CDH12: variants seen among roughly 807,000 people sequenced by gnomAD.
CDH12 encodes the protein cadherin 12.
In CDH12, 41 loss-of-function variants were observed where a neutral mutation model predicts 74.1. The ratio of observed to expected loss-of-function variants is 0.55; its 90% CI spans 0.43 to 0.72. The LOEUF is 0.72. Ranked by LOEUF, CDH12 falls within the 30% of genes least tolerant of loss-of-function variation. The pLI, the probability that CDH12 is intolerant of heterozygous loss-of-function variation, is 0.00. For missense variants in CDH12, 945 were observed against 977.2 expected (o/e 0.97, Z 0.44); for synonymous variants, 399 against 355.0 (o/e 1.12, Z -1.39).
chr5:22,608,829 T>A (rs74611317), intron 1 of CDH12, among the ~76,000 whole-genome samples: 9,976 of 152,214 alleles, frequency 0.066, 432 homozygotes, highest in East Asian at 0.24. Flanking sequence ...AGAGGTGCCT[T>A]CCACCATGAT....
intron 4 of CDH12, among the ~76,000 whole-genome samples, chr5:22,133,661 T>C (rs538333798): frequency 1.3e-5 from 2 of 152,086 alleles, no homozygotes; most frequent in Non-Finnish European, 2.9e-5. Context: ...TATTTACAAG[T>C]CATCCTGCAT....
At chr5:22,091,295 GA>G (rs1283686798) in intron 4 of CDH12, among the ~76,000 whole-genome samples, 2 of 148,768 alleles carry the variant, frequency 1.3e-5, no homozygotes, top group Non-Finnish European at 3.0e-5. Context: ...GTGTGTGAGA[GA>G]GAAAGAGAGA....
At chr5:22,616,546 C>G (rs1412016902) in intron 1 of CDH12, among the ~76,000 whole-genome samples, 1 of 152,010 alleles carries the variant, frequency 6.6e-6, no homozygotes, top group Non-Finnish European at 1.5e-5. Flanking sequence ...CTCTGCTTTT[C>G]TCTGTTGGAG....
intron 3 of CDH12, among the ~76,000 whole-genome samples, chr5:22,291,086 T>C (rs1737367175): frequency 6.6e-6 from 1 of 152,140 alleles, no homozygotes; most frequent in South Asian, 2.1e-4. Context: ...ATAGATGTGA[T>C]ACATCAAATT....
rs114169645 is a variant in CDH12, at chr5:22,174,199, G to A, written c.-187+38299C>T. Among the ~76,000 whole-genome samples the A allele has an allele frequency of 5.5e-3, 840 of 151,984 alleles. 5 individuals carry two copies. The highest frequency in any genetic ancestry group is 0.02 in the African/African-American group (810 of 41,502). ...TTCAAAATAAAATGTCCTCAACTTC[G>A]ACTAAATCCTGTGTTGTCTTCATTA... On this transcript the variant is annotated intron_variant, in intron 4 of 14. Coordinates refer to ENST00000382254, the MANE Select transcript of CDH12 (RefSeq NM_004061.5).
chr5:21,988,491 CAAAAAAAAAAAAAAA>C (rs1157872208), intron 5 of CDH12, among the ~76,000 whole-genome samples: 2 of 29,472 alleles, frequency 6.8e-5, no homozygotes, highest in African/African-American at 1.3e-4. Flanking sequence ...GACTCCGTCT[CAAAAAAAAAAAAAAA>C]AAAAAAAAAA....
At chr5:21,985,339 C>G (rs1757469405) in intron 5 of CDH12, among the ~76,000 whole-genome samples, 1 of 151,986 alleles carries the variant, frequency 6.6e-6, no homozygotes, top group Non-Finnish European at 1.5e-5. Context: ...AAAGGTCTGT[C>G]CTACTTAATA....
chr5:22,422,956 C>T (rs1458994384), intron 2 of CDH12, among the ~76,000 whole-genome samples: 1 of 152,082 alleles, frequency 6.6e-6, no homozygotes, highest in Non-Finnish European at 1.5e-5. Flanking sequence ...GCATAATTCC[C>T]ATTTCATGAC....
At chr5:22,056,061 T>G (rs2150199519) in intron 5 of CDH12, among the ~76,000 whole-genome samples, 1 of 152,248 alleles carries the variant, frequency 6.6e-6, no homozygotes, top group Non-Finnish European at 1.5e-5. Flanking sequence ...TGCAAAATTT[T>G]TTAGTACATT....
At chr5:21,782,504 A>G (rs1227928286) in intron 11 of CDH12, among the ~76,000 whole-genome samples, 1 of 152,174 alleles carries the variant, frequency 6.6e-6, no homozygotes, top group Non-Finnish European at 1.5e-5. Context: ...CCCTGCATGG[A>G]AAGTGGGAAT....
Position 22,764,262 on chromosome 5 carries a change from G to T in CDH12, c.-523+88796C>A, listed in dbSNP as rs187095712. 9.4e-4 allele frequency among the ~76,000 whole-genome samples: 142 copies of T among 151,844 alleles called. 2 individuals carry two copies. The highest frequency in any genetic ancestry group is 3.3e-3 in the African/African-American group (137 of 41,516). On this transcript the variant is annotated intron_variant, in intron 1 of 14. Coordinates refer to ENST00000382254, the MANE Select transcript of CDH12 (RefSeq NM_004061.5). ...TAAGAGGATATTTGAGATATTTTATGCCTGTATTTCTAATGTTTTAGTTAT... is the reference window on the plus strand; with the variant it reads ...TAAGAGGATATTTGAGATATTTTATTCCTGTATTTCTAATGTTTTAGTTAT...
chr5:22,516,671 G>A (rs907096806), intron 1 of CDH12, among the ~76,000 whole-genome samples: 4 of 151,996 alleles, frequency 2.6e-5, no homozygotes, highest in Non-Finnish European at 4.4e-5. Flanking sequence ...GATGCATGCC[G>A]GCAGCCCCAG....
intron 2 of CDH12, among the ~76,000 whole-genome samples, chr5:22,465,812 A>G (rs36065570): frequency 6.6e-6 from 1 of 152,186 alleles, no homozygotes; most frequent in African/African-American, 2.4e-5. Context: ...TCCATTGCTC[A>G]CCATGTCCAT....
intron 10 of CDH12, among the ~76,000 whole-genome samples, chr5:21,790,935 T>A (rs969684656): frequency 6.6e-6 from 1 of 152,028 alleles, no homozygotes; most frequent in Non-Finnish European, 1.5e-5. Flanking sequence ...TTTCACACAA[T>A]GGTGCTTCTG....
At position 22,639,489 on chromosome 5, in the gene CDH12, A is replaced by G. The variant is rs371732358; in HGVS notation, c.-522-134125T>C. 2.8e-5 allele frequency among the ~76,000 whole-genome samples: 4 copies of G among 142,348 alleles called. No individual in the cohort carries two copies. In the South Asian group the frequency reaches 8.7e-4, roughly 31 times the overall value. The allele number at this position is 142,348 out of a possible 152,430, so 93.4% of individuals were successfully genotyped here. On this transcript the variant is annotated intron_variant, in intron 1 of 14. Transcript: ENST00000382254. ...ATTGATCTGCAAATCTTTATCTGCAATTGGCCGTCTTGACACTGACCACAG... is the reference window on the plus strand; with the variant it reads ...ATTGATCTGCAAATCTTTATCTGCAGTTGGCCGTCTTGACACTGACCACAG...
At chr5:21,940,995 T>C (rs1755305692) in intron 6 of CDH12, among the ~76,000 whole-genome samples, 1 of 152,316 alleles carries the variant, frequency 6.6e-6, no homozygotes, top group South Asian at 2.1e-4. Context: ...ATACTTGAAA[T>C]CTACTAGGCT....
At chr5:22,840,748 TA>T (rs1737046534) in intron 1 of CDH12, among the ~76,000 whole-genome samples, 2 of 152,056 alleles carry the variant, frequency 1.3e-5, no homozygotes, top group African/African-American at 2.4e-5. Context: ...TAGACCAGGA[TA>T]AGGAAATTGT....
chr5:22,752,545 CTTTTTTTTTTT>C (rs1159388186), intron 1 of CDH12, among the ~76,000 whole-genome samples: 12 of 65,784 alleles, frequency 1.8e-4, no homozygotes, highest in Admixed American at 4.3e-4. Context: ...TAGGATACTT[CTTTTTTTTTTT>C]TTTTTTTTTT....
At chr5:22,354,021 C>T (rs941899455) in intron 3 of CDH12, among the ~76,000 whole-genome samples, 1 of 152,028 alleles carries the variant, frequency 6.6e-6, no homozygotes, top group Non-Finnish European at 1.5e-5. Flanking sequence ...TAATGAAGTC[C>T]CTTAGGAAGT....
Sources: gnomAD v4.1 joint callset for allele counts (sites outside exome capture counted in the v4.1 genomes callset) on GRCh38, gnomAD v4.1.1 for gene constraint, MANE v1.5 for transcripts, NCBI Gene and HGNC (gene_info 2026-07-23, HGNC 2026-07-21) for gene names.